The following ERG variants were observed in gnomAD, a reference collection of about 807,000 sequenced individuals.
ERG encodes the protein ETS transcription factor ERG.
In ERG, 9 loss-of-function variants were observed where a neutral mutation model predicts 55.3. That is an observed-to-expected ratio of 0.16 (90% confidence interval 0.10 to 0.28). The LOEUF (loss-of-function observed/expected upper bound fraction) is 0.28, where lower values mean the gene tolerates loss of function less well. Ranked by LOEUF, ERG falls within the 10% of genes least tolerant of loss-of-function variation. The probability of loss-of-function intolerance (pLI) is 1.00; values close to 1 mark genes in which losing one functional copy is unlikely to be tolerated. For synonymous variants in ERG, 223 were observed against 237.3 expected, an observed-to-expected ratio of 0.94 and a Z score of 0.55; for missense variants, 434 against 631.6, an observed-to-expected ratio of 0.69 and a Z score of 3.35.
rs2146407330 is a variant in ERG at position 38,381,899 on chromosome 21, C to T, written c.*1504G>A. The T allele has an allele frequency of 9.4e-7, 1 of 1,063,420 alleles. No homozygotes were observed. Among genetic ancestry groups the T allele is most frequent in the East Asian group, 5.0e-5 (1 of 19,852 alleles). 65.9% of individuals were successfully genotyped at this position (1,063,420 alleles called of 1,614,324 possible). The stretch of plus-strand genomic sequence containing the variant: ...CATTTGGGTGCCAAACATCCTATTT[C>T]CTTGGCTCTCCCTTGCACAAGTTCC... On this transcript the variant is annotated 3_prime_UTR_variant, in exon 10 of 10. Transcript: ENST00000288319.
chr21:38,421,985 T>C (rs1989565830), intron 3 of ERG, among the ~76,000 whole-genome samples: 1 of 152,226 alleles, frequency 6.6e-6, no homozygotes, highest in Non-Finnish European at 1.5e-5. Flanking sequence ...CCCAAAGTGC[T>C]GGGATTACAG....
At chr21:38,635,719 A>G (rs1378708066) in intron 1 of ERG, among the ~76,000 whole-genome samples, 2 of 152,238 alleles carry the variant, frequency 1.3e-5, no homozygotes, top group Non-Finnish European at 2.9e-5. Context: ...TGTTTAGGTA[A>G]GGTTGACTGC....
chr21:38,533,089 C>T (rs1371133315), intron 2 of ERG, among the ~76,000 whole-genome samples: 4 of 152,222 alleles, frequency 2.6e-5, no homozygotes, highest in African/African-American at 7.2e-5. Flanking sequence ...GAACACACAA[C>T]ATACGGTACT....
intron 1 of ERG, among the ~76,000 whole-genome samples, chr21:38,582,723 C>T (rs756205835): frequency 9.9e-5 from 15 of 152,044 alleles, no homozygotes; most frequent in Non-Finnish European, 1.9e-4. Context: ...TTCAAATGGA[C>T]GATTTTGATA....
intron 2 of ERG, among the ~76,000 whole-genome samples, chr21:38,573,750 A>T (rs140397425): frequency 6.6e-6 from 1 of 152,196 alleles, no homozygotes; most frequent in Non-Finnish European, 1.5e-5. Context: ...GGTCCTTGGT[A>T]TGCTGAGCGC....
intron 2 of ERG, among the ~76,000 whole-genome samples, chr21:38,531,911 CAG>C (rs1364578845): frequency 3.9e-5 from 6 of 152,266 alleles, no homozygotes; most frequent in Middle Eastern, 6.8e-3. Flanking sequence ...AAAAGCTTCA[CAG>C]AGTCTTTCTT....
chr21:38,584,231 C>T (rs543199264), intron 1 of ERG, among the ~76,000 whole-genome samples: 4 of 152,312 alleles, frequency 2.6e-5, no homozygotes, highest in African/African-American at 4.8e-5. Context: ...TTGATCCCTG[C>T]GGTGCTTCTC....
At chr21:38,407,205 T>C (rs189155348) in intron 3 of ERG, among the ~76,000 whole-genome samples, 271 of 152,324 alleles carry the variant, frequency 1.8e-3, no homozygotes, top group African/African-American at 6.0e-3. Flanking sequence ...ATGTTCTTTG[T>C]AGTGTTGTTT....
chr21:38,620,345 A>G (rs1458983470), intron 1 of ERG, among the ~76,000 whole-genome samples: 1 of 152,070 alleles, frequency 6.6e-6, no homozygotes, highest in East Asian at 1.9e-4. Flanking sequence ...AACAATGCCA[A>G]TTCAACCCTC....
At chr21:38,399,535 T>TTC (rs1196527084) in intron 6 of ERG, among the ~76,000 whole-genome samples, 1 of 152,218 alleles carries the variant, frequency 6.6e-6, no homozygotes, top group Non-Finnish European at 1.5e-5. Flanking sequence ...TGTCATCAGC[T>TTC]GTGAGGCTGG....
intron 2 of ERG, among the ~76,000 whole-genome samples, chr21:38,512,348 A>G (rs1458019167): frequency 6.6e-6 from 1 of 152,258 alleles, no homozygotes; most frequent in East Asian, 1.9e-4. Context: ...AAAAGCATTG[A>G]CATTCGTGTA....
At chr21:38,514,279 G>C (rs982849994) in intron 2 of ERG, among the ~76,000 whole-genome samples, 1 of 151,148 alleles carries the variant, frequency 6.6e-6, no homozygotes, top group African/African-American at 2.4e-5. Context: ...AGAAAAGAAA[G>C]CTTGATACCA....
chr21:38,383,763 C>G lies in ERG; in HGVS notation c.1080G>C (p.Met360Ile), dbSNP rs1401874217. Residue 360 changes from methionine (M) to isoleucine (I), a missense_variant, in exon 10 of 10, where the codon ATG becomes ATC. Physicochemically the swap from Met to Ile is conservative, Grantham distance 10. Around this residue, in one of 5 missense-constraint regions of ERG, gnomAD observed 13 missense variants for 76.6 expected, o/e 0.17. Coordinates refer to ENST00000288319, the MANE Select transcript of ERG (RefSeq NM_182918.4). This position sits in a 1 kb window ranked among gnomAD's most constrained non-coding sequence, Gnocchi z 5.7. ...RWGERKSKPN[M>I]NYDKLSRALR... ...GGGCGCGGCTGAGCTTATCGTAGTT[C>G]ATGTTGGGTTTGCTCTTCCGCTCTC... 1 of 1,614,152 alleles carries G rather than the reference C, an allele frequency of 6.2e-7. No homozygotes were observed. Among genetic ancestry groups the G allele is most frequent in the Non-Finnish European group, 8.5e-7 (1 of 1,180,022 alleles).
chr21:38,424,185 GAGCTCTCTCTCTCTCTCTCTCTCTCT>G (rs1569087241), intron 2 of ERG, among the ~76,000 whole-genome samples: 2,857 of 58,578 alleles, frequency 0.049, 73 homozygotes, highest in Non-Finnish European at 0.056. Flanking sequence ...ACCAGAGCTC[GAGCTCTCTCTCTCTCTCTCTCTCTCT>G]CTCTCTCTCT....
At chr21:38,621,664 T>C (rs963231731) in intron 1 of ERG, among the ~76,000 whole-genome samples, 1 of 152,102 alleles carries the variant, frequency 6.6e-6, no homozygotes, top group Non-Finnish European at 1.5e-5. Flanking sequence ...AGCTGACTAA[T>C]ACAAAAATAA....
intron 2 of ERG, among the ~76,000 whole-genome samples, chr21:38,512,895 G>A (rs2059523460): frequency 6.6e-6 from 1 of 152,156 alleles, no homozygotes; most frequent in Admixed American, 6.5e-5. Context: ...CACTTTGGGA[G>A]GCCGAGGCAG....
At chr21:38,370,453 C>A in the ERG span, among the ~76,000 whole-genome samples, 1 of 151,960 alleles carries the variant, frequency 6.6e-6, no homozygotes, top group Non-Finnish European at 1.5e-5. Context: ...ATCAATATTT[C>A]TTTTACAGGT....
At chr21:38,534,349 T>C (rs1253928088) in intron 2 of ERG, among the ~76,000 whole-genome samples, 3 of 125,866 alleles carry the variant, frequency 2.4e-5, no homozygotes, top group Middle Eastern at 4.1e-3. Flanking sequence ...TCAGTTTCTA[T>C]TGCCAAATGA....
At chr21:38,653,977 C>T (rs1033765839) in intron 1 of ERG, among the ~76,000 whole-genome samples, 1 of 152,190 alleles carries the variant, frequency 6.6e-6, no homozygotes, top group African/African-American at 2.4e-5. Context: ...AAATACAGCC[C>T]TTACTGTGGG....
Sources: gnomAD v4.1 joint callset for allele counts (sites outside exome capture counted in the v4.1 genomes callset) on GRCh38, gnomAD v4.1.1 for gene constraint, gnomAD v4.1.1 regional missense constraint, Gnocchi (gnomAD v3.1) non-coding constraint, MANE v1.5 for transcripts, NCBI Gene and HGNC (gene_info 2026-07-23, HGNC 2026-07-21) for gene names.